The following WDR5 variants were observed in gnomAD, a reference collection of about 807,000 sequenced individuals.
The protein encoded by WDR5 is WD repeat domain 5, also known as WD repeat-containing protein 5.
For missense variants in WDR5, 187 were observed against 416.9 expected (o/e 0.45, Z 4.80); for synonymous variants, 144 against 161.6 (o/e 0.89, Z 0.83).
At chr9:134,142,808 G>A in intron 7 of WDR5, 89 bp downstream of exon 7, 1 of 1,354,248 alleles carries the variant, frequency 7.4e-7, no homozygotes, top group East Asian at 2.3e-5. Context: ...AGGGGCGTAA[G>A]CCTGGCCATG....
chr9:134,151,400 G>A (rs1482499116), intron 8 of WDR5, among the ~76,000 whole-genome samples: 4 of 152,164 alleles, frequency 2.6e-5, no homozygotes, highest in African/African-American at 4.8e-5. Context: ...CCTGTTCCCC[G>A]CTGCTGGCAT....
intron 9 of WDR5, among the ~76,000 whole-genome samples, chr9:134,154,047 TG>T (rs1178274544): frequency 6.6e-6 from 1 of 152,216 alleles, no homozygotes; most frequent in East Asian, 1.9e-4. Flanking sequence ...TGGGTGCAGA[TG>T]CCCCTTGCGT....
chr9:134,140,001 AC>A, intron 2 of WDR5, 43 bp downstream of exon 2: 1 of 1,604,698 alleles, frequency 6.2e-7, no homozygotes. Flanking sequence ...GGGGGCAAAT[AC>A]GCTTAGAGAG....
chr9:134,140,647 G>A, intron 2 of WDR5, 56 bp from the exon 3 acceptor site: 1 of 1,464,594 alleles, frequency 6.8e-7, no homozygotes, highest in South Asian at 1.1e-5. Context: ...ATCCAAACTG[G>A]TCACGGGTGG....
Position 134,157,489 on chromosome 9 carries a change from A to G in WDR5, c.905-404A>G, listed in dbSNP as rs1473844684. 6.6e-6 allele frequency among the ~76,000 whole-genome samples: 1 copy of G among 151,980 alleles called. No individual in the cohort carries two copies. The highest frequency in any genetic ancestry group is 6.6e-5 in the Admixed American group (1 of 15,244). On this transcript the variant is annotated intron_variant, in intron 13 of 13. Coordinates refer to ENST00000358625, the MANE Select transcript of WDR5 (RefSeq NM_017588.3). The surrounding 1 kb of genome is among the most constrained non-coding windows in gnomAD (Gnocchi z 5.0). ...GGCTCAGGGTCCGAGGAGAAGAGGG[A>G]CATTGTCGATAAAGGACTGAGGACT...
intron 7 of WDR5, among the ~76,000 whole-genome samples, chr9:134,147,925 C>G (rs892885912): frequency 1.1e-4 from 16 of 152,012 alleles, no homozygotes; most frequent in South Asian, 2.1e-4. Flanking sequence ...GAAGCCAAGG[C>G]GGGTGGATCA....
chr9:134,155,637 AC>A (rs757919267), intron 11 of WDR5, 55 bp from the exon 12 acceptor site: 145 of 1,567,642 alleles, frequency 9.2e-5, no homozygotes, highest in Non-Finnish European at 1.2e-4. Flanking sequence ...ACGTAGAATT[AC>A]ACAAAATCAA....
chr9:134,144,896 C>G (rs1832091162), intron 7 of WDR5, among the ~76,000 whole-genome samples: 1 of 152,002 alleles, frequency 6.6e-6, no homozygotes, highest in African/African-American at 2.4e-5. Context: ...CTGAGCCACC[C>G]CTGGGGTCAG....
intron 1 of WDR5, among the ~76,000 whole-genome samples, chr9:134,136,920 A>C (rs1831592105): frequency 6.6e-6 from 1 of 152,184 alleles, no homozygotes; most frequent in Admixed American, 6.5e-5. Flanking sequence ...TGACCTGGGC[A>C]GGTGCTGTCC....
At chr9:134,148,965 G>C (rs750426917) in intron 8 of WDR5, among the ~76,000 whole-genome samples, 1 of 152,090 alleles carries the variant, frequency 6.6e-6, no homozygotes, top group South Asian at 2.1e-4. Context: ...GGAGTGTTTG[G>C]GTTGTGTTTT....
At chr9:134,155,051 C>T (rs955622719) in intron 10 of WDR5, among the ~76,000 whole-genome samples, 1 of 152,236 alleles carries the variant, frequency 6.6e-6, no homozygotes, top group Non-Finnish European at 1.5e-5. Context: ...AGGACTTCCT[C>T]ACCCTTTTGA....
At chr9:134,148,222 A>AAG in intron 7 of WDR5, 66 bp from the exon 8 acceptor site, 1 of 772,436 alleles carries the variant, frequency 1.3e-6, no homozygotes, top group Non-Finnish European at 2.1e-6. Flanking sequence ...GAGATCAGGT[A>AAG]AGAAGCAGTT....
chr9:134,140,738 C>G lies in WDR5; in HGVS notation c.117C>G (p.Phe39Leu), dbSNP rs762952336. ...TPVKPNYALKFTLAGHTKAVS... is the reference protein window; with the variant it reads ...TPVKPNYALKLTLAGHTKAVS... ...TGAAGCCAAACTATGCTCTAAAGTTCACCCTTGCTGGCCACACCAAAGCAG... is the reference window on the plus strand; with the variant it reads ...TGAAGCCAAACTATGCTCTAAAGTTGACCCTTGCTGGCCACACCAAAGCAG... The change falls in exon 3 of 14, where the codon TTC becomes TTG. Residue 39 changes from phenylalanine (F) to leucine (L), a missense_variant. Transcript: ENST00000358625. 6.2e-7 allele frequency: 1 copy of G among 1,614,212 alleles called. No homozygotes were observed. Among genetic ancestry groups the G allele is most frequent in the South Asian group, 1.1e-5 (1 of 91,088 alleles).
chr9:134,145,432 C>G (rs1048569431), intron 7 of WDR5, among the ~76,000 whole-genome samples: 10 of 152,150 alleles, frequency 6.6e-5, no homozygotes, highest in Admixed American at 6.5e-4. Flanking sequence ...ACATCTATGC[C>G]CTTGGATTGC....
intron 7 of WDR5, among the ~76,000 whole-genome samples, chr9:134,147,242 C>T (rs1832254540): frequency 6.6e-6 from 1 of 152,222 alleles, no homozygotes; most frequent in South Asian, 2.1e-4. Context: ...AGAGTCTAGC[C>T]TAGTGCTTCT....
Position 134,139,885 on chromosome 9 carries a change from CGGA to C in WDR5, c.13_15del (p.Glu5del), listed in dbSNP as rs1831785857. The C allele has an allele frequency of 6.2e-7, 1 of 1,613,348 alleles. No homozygotes were observed. The highest frequency in any genetic ancestry group is 1.1e-5 in the South Asian group (1 of 91,078). Reference sequence around the variant, plus strand: ...GCGGCCAGCGTCAGAGCCATGGCGACGGAGGAGAAGAAGCCCGAGACCGAGGCC... The same window carrying C: ...GCGGCCAGCGTCAGAGCCATGGCGACGGAGAAGAAGCCCGAGACCGAGGCC... On this transcript the variant is annotated inframe_deletion, in exon 2 of 14. Transcript: ENST00000358625.
intron 1 of WDR5, among the ~76,000 whole-genome samples, chr9:134,138,513 A>C (rs1831701253): frequency 6.6e-6 from 1 of 152,226 alleles, no homozygotes; most frequent in African/African-American, 2.4e-5. Context: ...GCTGGCATTT[A>C]CCGAGGACCG....
At chr9:134,152,110 T>A in intron 9 of WDR5, 81 bp downstream of exon 9, 1 of 1,480,322 alleles carries the variant, frequency 6.8e-7, no homozygotes, top group Non-Finnish European at 9.2e-7. Flanking sequence ...CTTCACCAGC[T>A]CCTCCTCCCT....
Position 134,140,732 on chromosome 9 carries a change from A to G in WDR5, c.111A>G (p.Leu37=). The G allele has an allele frequency of 1.2e-6, 2 of 1,614,202 alleles. No homozygotes were observed. Among genetic ancestry groups the G allele is most frequent in the Non-Finnish European group, 1.7e-6 (2 of 1,180,030 alleles). ...CACCTGTGAAGCCAAACTATGCTCTAAAGTTCACCCTTGCTGGCCACACCA... is the reference window on the plus strand; with the variant it reads ...CACCTGTGAAGCCAAACTATGCTCTGAAGTTCACCCTTGCTGGCCACACCA... ...KPTPVKPNYA[L]KFTLAGHTKA... Residue 37 remains leucine (L), a synonymous_variant, in exon 3 of 14, where the codon CTA becomes CTG. Transcript: ENST00000358625.
Sources: gnomAD v4.1 joint callset for allele counts (sites outside exome capture counted in the v4.1 genomes callset) on GRCh38, gnomAD v4.1.1 for gene constraint, Gnocchi (gnomAD v3.1) non-coding constraint, MANE v1.5 for transcripts, NCBI Gene and HGNC (gene_info 2026-07-23, HGNC 2026-07-21) for gene names.